Variants in HSP90B1 observed in about 807,000 individuals in gnomAD.
HSP90B1 encodes the protein endoplasmin.
In HSP90B1, 27 loss-of-function variants were observed where a neutral mutation model predicts 100.4. The ratio of observed to expected loss-of-function variants is 0.27; its 90% CI spans 0.20 to 0.37. The LOEUF is 0.37. HSP90B1 is among the 10% of genes least tolerant of loss of function. The pLI is 1.00. For synonymous variants in HSP90B1, 304 were observed against 330.8 expected (o/e 0.92, Z 0.88); for missense variants, 678 against 960.5 (o/e 0.71, Z 3.89).
chr12:103,946,569 C>T (rs1257347346), intron 14 of HSP90B1, 49 bp from the exon 15 acceptor site: 3 of 1,335,604 alleles, frequency 2.2e-6, no homozygotes, highest in Non-Finnish European at 3.2e-6. Flanking sequence ...AACGTATGAA[C>T]CCTAAAATTG....
At chr12:103,938,501 T>C in intron 7 of HSP90B1, 42 bp downstream of exon 7, 4 of 1,580,102 alleles carry the variant, frequency 2.5e-6, no homozygotes, top group Admixed American at 3.7e-5. Context: ...TTGTTTAACA[T>C]GTATAGGCAA....
intron 14 of HSP90B1, 137 bp downstream of exon 14, chr12:103,944,011 G>A (rs925297283): frequency 4.0e-5 from 27 of 673,260 alleles, no homozygotes; most frequent in Non-Finnish European, 5.1e-5. Flanking sequence ...TAGACAACAA[G>A]TTTACGAAGG....
In HSP90B1 at chr12:103,947,667, T is replaced by C. The variant is rs1870279784; in HGVS notation, c.*5T>C. Reference sequence around the variant, plus strand: ...GCTGAAAAAGATGAATTGTAAATTATACTCTCACCATTTGGATCCTGTGTG... The same window carrying C: ...GCTGAAAAAGATGAATTGTAAATTACACTCTCACCATTTGGATCCTGTGTG... On this transcript the variant is annotated 3_prime_UTR_variant, in exon 18 of 18. Coordinates refer to ENST00000299767, the MANE Select transcript of HSP90B1 (RefSeq NM_003299.3). 1.9e-6 allele frequency: 3 copies of C among 1,593,114 alleles called. No homozygotes were observed. The highest frequency in any genetic ancestry group is 2.6e-6 in the Non-Finnish European group (3 of 1,161,778).
In HSP90B1 at chr12:103,947,868, C is replaced by G. The variant is rs1299845436; in HGVS notation, c.*206C>G. 1.4e-5 allele frequency: 6 copies of G among 438,976 alleles called. No individual in the cohort carries two copies. Among genetic ancestry groups the G allele is most frequent in the Non-Finnish European group, 2.5e-5 (6 of 235,740 alleles). 27.2% of individuals were successfully genotyped at this position (438,976 alleles called of 1,614,324 possible). On this transcript the variant is annotated 3_prime_UTR_variant, in exon 18 of 18. Coordinates refer to ENST00000299767, the MANE Select transcript of HSP90B1 (RefSeq NM_003299.3). ...ATGAATGTAAATTTGTACTATTTAA[C>G]TGACTATTCTTGATGTAAAATCTTG...
At chr12:103,939,267 G>T (rs1305392) in intron 7 of HSP90B1, among the ~76,000 whole-genome samples, 120,849 of 147,670 alleles carry the variant, frequency 0.82, 48,421 homozygotes, top group Admixed American at 0.87. Flanking sequence ...GACTGGCTAA[G>T]TTTTAAAAAT....
chr12:103,941,285 CA>C, intron 8 of HSP90B1, 124 bp from the exon 9 acceptor site: 1 of 912,204 alleles, frequency 1.1e-6, no homozygotes, highest in Non-Finnish European at 1.6e-6. Context: ...CACCTCCCGC[CA>C]GTAAAGGAAA....
At chr12:103,931,651 C>G (rs776681591) in intron 2 of HSP90B1, 28 bp downstream of exon 2, 1 of 1,497,136 alleles carries the variant, frequency 6.7e-7, no homozygotes, top group Non-Finnish European at 9.3e-7. Context: ...CTTACGTATA[C>G]AGATAAGCCG....
At chr12:103,938,206 C>G in intron 6 of HSP90B1, 134 bp from the exon 7 acceptor site, 6 of 632,820 alleles carry the variant, frequency 9.5e-6, no homozygotes, top group Non-Finnish European at 7.7e-6. Flanking sequence ...AAAATGTGGT[C>G]TATTAGTTAA....
chr12:103,943,143 G>A lies in HSP90B1; in HGVS notation c.1714G>A (p.Val572Met). The A allele has an allele frequency of 6.2e-7, 1 of 1,614,146 alleles. No individual in the cohort carries two copies. Among genetic ancestry groups the A allele is most frequent in the Non-Finnish European group, 8.5e-7 (1 of 1,180,002 alleles). The change falls in exon 13 of 18, where the codon GTG becomes ATG. Residue 572 changes from valine to methionine, a missense_variant. Val to Met is a conservative substitution (Grantham distance 21). Coordinates refer to ENST00000299767, the MANE Select transcript of HSP90B1 (RefSeq NM_003299.3). This position sits in a 1 kb window ranked among gnomAD's most constrained non-coding sequence, Gnocchi z 5.3. Reference sequence around the variant, plus strand: ...TGAAGTTATTTACCTCACAGAACCTGTGGATGAATACTGTATTCAGGCCCT... The same window carrying A: ...TGAAGTTATTTACCTCACAGAACCTATGGATGAATACTGTATTCAGGCCCT... ...GYEVIYLTEPVDEYCIQALPE... is the reference protein window; with the variant it reads ...GYEVIYLTEPMDEYCIQALPE...
chr12:103,944,659 T>C (rs2583259), intron 14 of HSP90B1, among the ~76,000 whole-genome samples: 35,575 of 151,802 alleles, frequency 0.23, 4,390 homozygotes, highest in East Asian at 0.31. Context: ...TGGGTTCAAG[T>C]AATTCTCCTG....
In HSP90B1 at chr12:103,933,968, A is replaced by G. The variant is rs1421696359; in HGVS notation, c.424A>G (p.Lys142Glu). The G allele has an allele frequency of 5.0e-6, 8 of 1,613,010 alleles. No individual in the cohort carries two copies. Among genetic ancestry groups the G allele is most frequent in the Non-Finnish European group, 5.9e-6 (7 of 1,179,206 alleles). ...LTVKIKCDKE[K>E]NLLHVTDTGV... ...GTCTTGCATTTAGTGTGATAAGGAG[A>G]AGAACCTGCTGCATGTCACAGACAC... Residue 142 changes from lysine to glutamate, a missense_variant, in exon 5 of 18, where the codon AAG becomes GAG. By Grantham distance (56) the Lys-to-Glu change is moderately conservative (BLOSUM62 1). Transcript: ENST00000299767.
intron 14 of HSP90B1, among the ~76,000 whole-genome samples, chr12:103,946,126 T>C (rs1045787527): frequency 6.6e-6 from 1 of 152,258 alleles, no homozygotes; most frequent in Non-Finnish European, 1.5e-5. Context: ...TTAAGTGCTA[T>C]GTAAATAGCT....
chr12:103,942,652 C>T lies in HSP90B1; in HGVS notation c.1500C>T (p.His500=). 1 of 1,614,026 alleles carries T rather than the reference C, an allele frequency of 6.2e-7. No homozygotes were observed. Among genetic ancestry groups the T allele is most frequent in the Non-Finnish European group, 8.5e-7 (1 of 1,179,898 alleles). ...TNIKLGVIED[H]SNRTRLAKLL... ...TCAAGCTTGGTGTGATTGAAGACCA[C>T]TCGAATCGAACACGTCTTGCTAAAC... Residue 500 remains histidine, a synonymous_variant, in exon 12 of 18, where the codon CAC becomes CAT. Transcript: ENST00000299767.
At chr12:103,940,336 T>G (rs60696717) in intron 8 of HSP90B1, among the ~76,000 whole-genome samples, 26,642 of 148,350 alleles carry the variant, frequency 0.18, 3,115 homozygotes, top group African/African-American at 0.34. Flanking sequence ...TCCTTGCCTG[T>G]TTTTTTTTTT....
In HSP90B1 at chr12:103,942,422, A is replaced by G. The variant is rs1318803575; in HGVS notation, c.1375-105A>G. ...ATTTCCTGCCCCTCAATAAATGGCAATAACGATATCGTCTTTGTGTTTTTC... is the reference window on the plus strand; with the variant it reads ...ATTTCCTGCCCCTCAATAAATGGCAGTAACGATATCGTCTTTGTGTTTTTC... On this transcript the variant is annotated intron_variant, in intron 11 of 17. Transcript: ENST00000299767. 15 of 1,017,996 alleles carry G rather than the reference A, an allele frequency of 1.5e-5. No homozygotes were observed. The East Asian group carries it at 2.6e-4, about 17-fold the overall frequency. The allele number at this position is 1,017,996 out of a possible 1,614,324, so 63.1% of individuals were successfully genotyped here. A position where few individuals can be genotyped will look rare whatever the true frequency, so the allele number is the denominator to read the frequency against.
At chr12:103,941,229 TCCACCCTTTTCTTTCTCTTCCCC>T (rs1442927932) in intron 8 of HSP90B1, among the ~76,000 whole-genome samples, 158 bp from the exon 9 acceptor site, 5 of 152,170 alleles carry the variant, frequency 3.3e-5, no homozygotes, top group African/African-American at 7.2e-5. Context: ...ATTTCTTCAC[TCCACCCTTTTCTTTCTCTTCCCC>T]CCACCCTTTT....
Position 103,934,227 on chromosome 12 carries a change from A to G in HSP90B1, c.683A>G (p.Asn228Ser), listed in dbSNP as rs567564451. 117 of 1,614,234 alleles carry G rather than the reference A, an allele frequency of 7.2e-5. No homozygotes were observed. The highest frequency in any genetic ancestry group is 3.3e-4 in the Middle Eastern group (2 of 6,062). Reference protein sequence around the residue: ...DTQHIWESDSNEFSVIADPRG... With the variant: ...DTQHIWESDSSEFSVIADPRG... ...CAGCACATCTGGGAGTCTGACTCCA[A>G]TGAATTTTCTGTAATTGCTGACCCA... The change falls in exon 5 of 18, where the codon AAT (asparagine) becomes AGT (serine). Residue 228 changes from asparagine (N) to serine (S), a missense_variant. By Grantham distance (46) the Asn-to-Ser change is conservative. This residue lies in a region of HSP90B1 where 238 missense variants were observed against 346.7 expected (regional missense o/e 0.69). Transcript: ENST00000299767.
Position 103,930,928 on chromosome 12 carries a change from C to A in HSP90B1, c.49+364C>A, listed in dbSNP as rs1215066846. Among the ~76,000 whole-genome samples, 1 of 151,766 alleles carries A rather than the reference C, an allele frequency of 6.6e-6. No individual in the cohort carries two copies. The highest frequency in any genetic ancestry group is 2.4e-5 in the African/African-American group (1 of 41,284). On this transcript the variant is annotated intron_variant, in intron 1 of 17. Transcript: ENST00000299767. This position sits in a 1 kb window ranked among gnomAD's most constrained non-coding sequence, Gnocchi z 4.4. The stretch of plus-strand genomic sequence containing the variant: ...CAACCTTCGGCCATCCCAGCTTTCC[C>A]GTCCCCTAATTCCCCAGACTCCGAC...
chr12:103,947,169 C>A, intron 16 of HSP90B1, 142 bp from the exon 17 acceptor site: 1 of 1,236,718 alleles, frequency 8.1e-7, no homozygotes, highest in Non-Finnish European at 1.1e-6. Flanking sequence ...CTTTTGTTAG[C>A]TTGGCTGTTC....
Sources: allele counts gnomAD v4.1 joint callset (sites outside exome capture counted in the v4.1 genomes callset), GRCh38; gene constraint gnomAD v4.1.1; regional missense constraint gnomAD v4.1.1; non-coding constraint Gnocchi (gnomAD v3.1); transcripts MANE v1.5; gene names NCBI Gene and HGNC (gene_info 2026-07-23, HGNC 2026-07-21).